Variants in WDR27 observed in about 807,000 individuals in gnomAD.
WDR27 encodes the protein WD repeat-containing protein 27.
WDR27 carries 100 observed loss-of-function variants against 114.4 expected under a neutral mutation model. The ratio of observed to expected loss-of-function variants is 0.87; its 90% CI spans 0.74 to 1.03. The LOEUF (loss-of-function observed/expected upper bound fraction) is 1.03, where lower values mean the gene tolerates loss of function less well. Among genes scored for constraint, WDR27 ranks in the 50% least tolerant of loss-of-function variants. The probability of loss-of-function intolerance (pLI) is 0.00; values close to 1 mark genes in which losing one functional copy is unlikely to be tolerated. For missense variants in WDR27, 1,129 were observed against 1,092.9 expected, an observed-to-expected ratio of 1.03 and a Z score of -0.47; for synonymous variants, 449 against 423.1, an observed-to-expected ratio of 1.06 and a Z score of -0.75.
At chr6:169,512,941 A>G (rs1252317576) in intron 25 of WDR27, among the ~76,000 whole-genome samples, 1 of 152,214 alleles carries the variant, frequency 6.6e-6, no homozygotes, top group Non-Finnish European at 1.5e-5. Flanking sequence ...CACCAACTCT[A>G]AAGGAGACGG....
At chr6:169,437,848 G>A in the WDR27 span, among the ~76,000 whole-genome samples, 1 of 151,832 alleles carries the variant, frequency 6.6e-6, no homozygotes, top group African/African-American at 2.4e-5. Context: ...GCCAACGTTT[G>A]TCTTAAAGTT....
chr6:169,464,522 A>C (rs1353040422), intron 25 of WDR27, among the ~76,000 whole-genome samples: 1 of 152,252 alleles, frequency 6.6e-6, no homozygotes, highest in Admixed American at 6.5e-5. Context: ...CAGAGAAAAA[A>C]TAGACAAGTG....
intron 25 of WDR27, among the ~76,000 whole-genome samples, chr6:169,525,101 C>A: frequency 6.6e-6 from 1 of 151,566 alleles, no homozygotes; most frequent in African/African-American, 2.4e-5. Flanking sequence ...AAATTAAATC[C>A]AATTAAAAAA....
intron 25 of WDR27, among the ~76,000 whole-genome samples, chr6:169,570,972 C>T (rs1286002909): frequency 6.6e-6 from 1 of 152,212 alleles, no homozygotes; most frequent in Admixed American, 6.5e-5. Flanking sequence ...CCACTCCCTG[C>T]CCGGTATTCT....
At chr6:169,515,588 T>G (rs905297128) in intron 25 of WDR27, among the ~76,000 whole-genome samples, 3 of 152,078 alleles carry the variant, frequency 2.0e-5, no homozygotes, top group Non-Finnish European at 4.4e-5. Flanking sequence ...GGTATATGAA[T>G]AAAAGTGTTC....
At chr6:169,602,082 T>C (rs1197727636) in intron 23 of WDR27, 137 bp downstream of exon 23, 1 of 517,688 alleles carries the variant, frequency 1.9e-6, no homozygotes, top group East Asian at 2.9e-5. Context: ...ATGCTATTAC[T>C]GTGTAAGAGT....
chr6:169,698,601 T>C (rs781749599), intron 1 of WDR27, among the ~76,000 whole-genome samples: 1 of 152,224 alleles, frequency 6.6e-6, no homozygotes, highest in Non-Finnish European at 1.5e-5. Flanking sequence ...CCCCAAGCTC[T>C]TTCTGCTTCT....
At chr6:169,542,379 T>C (rs1157658142) in intron 25 of WDR27, among the ~76,000 whole-genome samples, 1 of 152,066 alleles carries the variant, frequency 6.6e-6, no homozygotes, top group Non-Finnish European at 1.5e-5. Flanking sequence ...TCTGTGGCAT[T>C]CCTGACCAAA....
intron 24 of WDR27, among the ~76,000 whole-genome samples, chr6:169,579,058 C>T (rs760497273): frequency 1.1e-4 from 16 of 152,302 alleles, no homozygotes; most frequent in Non-Finnish European, 1.9e-4. Flanking sequence ...CAAAGACCGT[C>T]GCAGGCTTGG....
At chr6:169,577,342 C>CGGGCG (rs1802550145) in intron 24 of WDR27, among the ~76,000 whole-genome samples, 1 of 126,918 alleles carries the variant, frequency 7.9e-6, no homozygotes, top group Admixed American at 7.7e-5. Flanking sequence ...AATGGCGCCC[C>CGGGCG]CCGATGTCCA....
chr6:169,664,268 T>G lies in WDR27; in HGVS notation c.802A>C (p.Met268Leu), dbSNP rs765900904. The part of the protein sequence containing the change: ...ADGQLWIFSL[M>L]DGHHYRRVAR... ...ACACGACGATAATGGTGTCCATCCA[T>G]CAAACTGAAGATCCAAAGCTACAAA... The change falls in exon 8 of 26, where the codon ATG (methionine) becomes CTG (leucine). Residue 268 changes from methionine (M) to leucine (L), a missense_variant. By Grantham distance (15) the Met-to-Leu change is conservative (BLOSUM62 2). Transcript: ENST00000448612. The G allele has an allele frequency of 6.2e-7, 1 of 1,613,778 alleles. No individual in the cohort carries two copies. Among genetic ancestry groups the G allele is most frequent in the African/African-American group, 1.3e-5 (1 of 74,910 alleles).
intron 25 of WDR27, among the ~76,000 whole-genome samples, chr6:169,485,569 G>A (rs1276299722): frequency 1.3e-5 from 2 of 152,096 alleles, no homozygotes; most frequent in African/African-American, 4.8e-5. Flanking sequence ...GGAAGTATAA[G>A]TTAGTTCAAC....
At chr6:169,456,492 C>A (rs1784350603), downstream of WDR27, among the ~76,000 whole-genome samples, 1 of 152,200 alleles carries the variant, frequency 6.6e-6, no homozygotes, top group Non-Finnish European at 1.5e-5. This position sits in a 1 kb window ranked among gnomAD's most constrained non-coding sequence, Gnocchi z 4.0. Flanking sequence ...GCATCACAGG[C>A]TGCTGAGGTT....
intron 21 of WDR27, among the ~76,000 whole-genome samples, chr6:169,621,571 T>C (rs1433901576): frequency 7.1e-6 from 1 of 140,030 alleles, no homozygotes; most frequent in Non-Finnish European, 1.5e-5. Context: ...TTCATGCATA[T>C]ACATACACAT....
At chr6:169,440,809 A>T in the WDR27 span, among the ~76,000 whole-genome samples, 1 of 152,174 alleles carries the variant, frequency 6.6e-6, no homozygotes, top group Non-Finnish European at 1.5e-5. Flanking sequence ...CTTTCTACAG[A>T]GCTGGCACTC....
chr6:169,572,172 T>C (rs1194340469), intron 25 of WDR27, among the ~76,000 whole-genome samples: 2 of 152,164 alleles, frequency 1.3e-5, no homozygotes, highest in Admixed American at 1.3e-4. Context: ...AATTAAAAGC[T>C]ACAGCAATCA....
chr6:169,637,089 G>A (rs574281165), intron 18 of WDR27, among the ~76,000 whole-genome samples: 7 of 152,128 alleles, frequency 4.6e-5, no homozygotes, highest in African/African-American at 7.2e-5. Context: ...TTTGCAAGTC[G>A]CCTGCTCATA....
chr6:169,699,681 T>A lies in WDR27; in HGVS notation c.-8+1870A>T, dbSNP rs79646245. Among the ~76,000 whole-genome samples the A allele has an allele frequency of 2.7e-3, 407 of 152,146 alleles. 1 individual carries two copies. Among genetic ancestry groups the A allele is most frequent in the Non-Finnish European group, 4.8e-3 (328 of 67,996 alleles). ...TGGAGGAAAAGGACTAAGGGTAGAA[T>A]CAAGGGCCTCAGCAAACAAGCCAGG... On this transcript the variant is annotated intron_variant, in intron 1 of 25. Coordinates refer to ENST00000448612, the MANE Select transcript of WDR27 (RefSeq NM_182552.5).
At chr6:169,426,747 A>G in the WDR27 span, 5 of 152,096 alleles carry the variant, frequency 3.3e-5, no homozygotes, top group Non-Finnish European at 7.3e-5. Context: ...ACTGTGCTGC[A>G]CAGTATCTGC....
Sources: gnomAD v4.1 joint callset for allele counts (sites outside exome capture counted in the v4.1 genomes callset) on GRCh38, gnomAD v4.1.1 for gene constraint, Gnocchi (gnomAD v3.1) non-coding constraint, MANE v1.5 for transcripts, NCBI Gene and HGNC (gene_info 2026-07-23, HGNC 2026-07-21) for gene names.